Variants in ATP13A3 observed in about 807,000 individuals in gnomAD.
ATP13A3 encodes the protein polyamine-transporting ATPase 13A3.
Under a neutral mutation model 158.1 loss-of-function variants are expected in ATP13A3, and 59 were observed. The observed-to-expected ratio is 0.37, with a 90% CI of 0.30 to 0.46. ATP13A3 has a LOEUF of 0.46. ATP13A3 is among the 20% of genes least tolerant of loss of function. The pLI is 1.00. For synonymous variants in ATP13A3, 491 were observed against 504.3 expected (o/e 0.97, Z 0.35); for missense variants, 1,166 against 1,525.2 (o/e 0.76, Z 3.92).
intron 16 of ATP13A3, 85 bp from the exon 17 acceptor site, chr3:194,439,057 A>C: frequency 1.2e-6 from 1 of 834,166 alleles, no homozygotes; most frequent in South Asian, 1.9e-5. Context: ...TTCCATTTTT[A>C]AATAGAACAT....
intron 4 of ATP13A3, 141 bp downstream of exon 4, chr3:194,460,517 T>C (rs1719574285): frequency 1.1e-6 from 1 of 893,762 alleles, no homozygotes; most frequent in East Asian, 2.5e-5. Flanking sequence ...CAAACACAAA[T>C]CCTCTAGAAA....
intron 15 of ATP13A3, among the ~76,000 whole-genome samples, 173 bp from the exon 16 acceptor site, chr3:194,441,634 G>T (rs1485061946): frequency 6.6e-6 from 1 of 152,054 alleles, no homozygotes; most frequent in African/African-American, 2.4e-5. Flanking sequence ...AAACCAGAGG[G>T]GTGTGAACTT....
At chr3:194,428,692 G>A (rs943351438) in intron 28 of ATP13A3, among the ~76,000 whole-genome samples, 153 bp downstream of exon 28, 1 of 152,254 alleles carries the variant, frequency 6.6e-6, no homozygotes, top group East Asian at 1.9e-4. Context: ...ATTGGCGCAA[G>A]ATATAAACAA....
chr3:194,410,951 T>G (rs1560067415), intron 33 of ATP13A3, among the ~76,000 whole-genome samples: 2 of 151,386 alleles, frequency 1.3e-5, no homozygotes, highest in African/African-American at 4.9e-5. Context: ...TGTGTGTGTG[T>G]GTGTGTGTGT....
chr3:194,403,914 A>AAG lies in ATP13A3; in HGVS notation c.*2003_*2004dup. The AAG allele has an allele frequency of 3.5e-6, 1 of 282,222 alleles. No individual in the cohort carries two copies. Among genetic ancestry groups the AAG allele is most frequent in the Non-Finnish European group, 6.4e-6 (1 of 155,970 alleles). The allele number at this position is 282,222 out of a possible 1,614,324, so 17.5% of individuals were successfully genotyped here. On this transcript the variant is annotated 3_prime_UTR_variant, in exon 34 of 34. Coordinates refer to ENST00000645319, the MANE Select transcript of ATP13A3 (RefSeq NM_001367549.1). ...CCCTTACTAACTCTAAATGTTAAAA[A>AAG]AGTGGGGGGGGGGTGTCAAAAATAG...
intron 6 of ATP13A3, among the ~76,000 whole-genome samples, chr3:194,457,518 A>G (rs1361738811): frequency 1.3e-5 from 2 of 152,220 alleles, no homozygotes; most frequent in African/African-American, 4.8e-5. Flanking sequence ...ATTTTAAGAT[A>G]AAGTATAACT....
At chr3:194,408,438 GC>G (rs1715116908) in intron 33 of ATP13A3, among the ~76,000 whole-genome samples, 1 of 152,192 alleles carries the variant, frequency 6.6e-6, no homozygotes, top group Non-Finnish European at 1.5e-5. Context: ...CAAAGAGTCT[GC>G]CAGGTTGAAC....
intron 11 of ATP13A3, among the ~76,000 whole-genome samples, chr3:194,449,478 A>G (rs1011822791): frequency 2.0e-5 from 3 of 152,158 alleles, no homozygotes; most frequent in African/African-American, 7.2e-5. Flanking sequence ...ACAGGAGTTC[A>G]CGACCAGCCT....
intron 20 of ATP13A3, among the ~76,000 whole-genome samples, chr3:194,436,092 A>G (rs1717617465): frequency 6.6e-6 from 1 of 152,172 alleles, no homozygotes; most frequent in Admixed American, 6.5e-5. Flanking sequence ...CCCGACATGC[A>G]TATGTATCAC....
upstream of ATP13A3, among the ~76,000 whole-genome samples, chr3:194,489,625 G>A (rs981265195): frequency 1.8e-4 from 27 of 152,204 alleles, no homozygotes; most frequent in African/African-American, 5.5e-4. This position sits in a 1 kb window ranked among gnomAD's most constrained non-coding sequence, Gnocchi z 4.1. Flanking sequence ...CAACGCGTTC[G>A]GGCTTTTAAA....
chr3:194,419,411 C>T (rs1184603339), intron 31 of ATP13A3, among the ~76,000 whole-genome samples: 1 of 152,052 alleles, frequency 6.6e-6, no homozygotes, highest in African/African-American at 2.4e-5. Flanking sequence ...ATGATACACT[C>T]AGGGTGTTAT....
At chr3:194,445,046 G>A (rs142245149) in intron 14 of ATP13A3, among the ~76,000 whole-genome samples, 2 of 151,598 alleles carry the variant, frequency 1.3e-5, no homozygotes, top group African/African-American at 2.4e-5. Context: ...ATATATTTAC[G>A]TGCTTATACT....
chr3:194,429,296 T>C (rs1717044693), intron 27 of ATP13A3, among the ~76,000 whole-genome samples: 1 of 152,160 alleles, frequency 6.6e-6, no homozygotes, highest in African/African-American at 2.4e-5. Context: ...TATTCAACGT[T>C]GTAAATTAGT....
chr3:194,450,548 C>T (rs1718734826), intron 10 of ATP13A3: 6 of 377,592 alleles, frequency 1.6e-5, no homozygotes, highest in South Asian at 1.6e-4. Context: ...CTTCAACACT[C>T]ATGACAACCG....
intron 28 of ATP13A3, among the ~76,000 whole-genome samples, chr3:194,427,635 CAATAAATAAATAAATAAATA>C (rs72338242): frequency 1.3e-3 from 183 of 137,244 alleles, no homozygotes; most frequent in African/African-American, 3.9e-3. Flanking sequence ...CCCATCTCTA[CAATAAATAAATAAATAAATA>C]AATAAATAAA....
At chr3:194,414,345 C>T (rs1375609327) in intron 31 of ATP13A3, among the ~76,000 whole-genome samples, 1 of 151,804 alleles carries the variant, frequency 6.6e-6, no homozygotes, top group Admixed American at 6.6e-5. Flanking sequence ...TGCCTATAAT[C>T]CCAGCTACTC....
At position 194,431,593 on chromosome 3, in the gene ATP13A3, T is replaced by C. The variant is rs28734954; in HGVS notation, c.2421+124A>G. On this transcript the variant is annotated intron_variant, in intron 22 of 33. Transcript: ENST00000645319. ...TAATGAAACATAATCTCTGAAAAAA[T>C]AGCCCTGACTTCTGTTTTCATTTAG... 76,024 of 986,190 alleles carry C rather than the reference T, an allele frequency of 0.077. 7,507 individuals are homozygous for C. Among genetic ancestry groups the C allele is most frequent in the African/African-American group, 0.42 (24,508 of 58,778 alleles). The allele number at this position is 986,190 out of a possible 1,614,324, so 61.1% of individuals were successfully genotyped here. A position where few individuals can be genotyped will look rare whatever the true frequency, so the allele number is the denominator to read the frequency against.
rs1717426697 is a variant in ATP13A3, at chr3:194,433,830, T to C, written c.2187A>G (p.Glu729=). Reference sequence around the variant, plus strand: ...GCAAATCTTCAAGTACTGCAGGGGTTTCTTGCTTTAATTTGTTCTGCATTA... The same window carrying C: ...GCAAATCTTCAAGTACTGCAGGGGTCTCTTGCTTTAATTTGTTCTGCATTA... ...LIIMQNKLKQ[E]TPAVLEDLHK... Residue 729 remains glutamate (E), a synonymous_variant, in exon 21 of 34, where the codon GAA becomes GAG. Coordinates refer to ENST00000645319, the MANE Select transcript of ATP13A3 (RefSeq NM_001367549.1). The C allele has an allele frequency of 6.2e-7, 1 of 1,614,032 alleles. No individual in the cohort carries two copies. Among genetic ancestry groups the C allele is most frequent in the South Asian group, 1.1e-5 (1 of 91,082 alleles).
At chr3:194,441,225 AAGC>A in intron 16 of ATP13A3, 83 bp downstream of exon 16, 1 of 1,139,636 alleles carries the variant, frequency 8.8e-7, no homozygotes, top group Non-Finnish European at 1.2e-6. Context: ...TTAAAACAAA[AAGC>A]AGAAATAATC....
Sources: allele counts gnomAD v4.1 joint callset (sites outside exome capture counted in the v4.1 genomes callset), GRCh38; gene constraint gnomAD v4.1.1; non-coding constraint Gnocchi (gnomAD v3.1); transcripts MANE v1.5; gene names NCBI Gene and HGNC (gene_info 2026-07-23, HGNC 2026-07-21).